ABI1: variants seen among roughly 807,000 people sequenced by gnomAD.
The protein encoded by ABI1 is Abelson interactor 1.
Under a neutral mutation model 54.6 loss-of-function variants are expected in ABI1, and 14 were observed. The observed-to-expected ratio is 0.26, with a 90% CI of 0.17 to 0.40. The LOEUF (loss-of-function observed/expected upper bound fraction) is 0.40, where lower values mean the gene tolerates loss of function less well. Among genes scored for constraint, ABI1 ranks in the 10% least tolerant of loss-of-function variants. The pLI, the probability that ABI1 is intolerant of heterozygous loss-of-function variation, is 1.00. For missense variants in ABI1, 443 were observed against 598.3 expected, an observed-to-expected ratio of 0.74 and a Z score of 2.71; for synonymous variants, 194 against 209.3, an observed-to-expected ratio of 0.93 and a Z score of 0.63.
At chr10:26,854,309 G>C (rs2050641253) in intron 1 of ABI1, among the ~76,000 whole-genome samples, 1 of 151,700 alleles carries the variant, frequency 6.6e-6, no homozygotes, top group Non-Finnish European at 1.5e-5. Context: ...GAAGACATTA[G>C]TTTTAATACA....
chr10:26,803,056 A>C (rs1449439352), intron 2 of ABI1, among the ~76,000 whole-genome samples: 2 of 152,214 alleles, frequency 1.3e-5, no homozygotes, highest in Non-Finnish European at 1.5e-5. Flanking sequence ...AGCAAGGAAA[A>C]GGTTTCCATT....
intron 1 of ABI1, among the ~76,000 whole-genome samples, chr10:26,844,905 C>CT (rs2134130441): frequency 6.6e-6 from 1 of 152,282 alleles, no homozygotes; most frequent in Admixed American, 6.5e-5. Context: ...ACAAATGTGA[C>CT]AGTCCTCTAA....
rs1375832167 is a variant in ABI1, at chr10:26,761,661, T to TATATACACAC, written c.821-2424_821-2423insGTGTGTATAT. Among the ~76,000 whole-genome samples, 470 of 78,592 alleles carry TATATACACAC rather than the reference T, an allele frequency of 6.0e-3. 3 individuals carry two copies. The highest frequency in any genetic ancestry group is 0.01 in the Admixed American group (67 of 6,682). The allele number at this position is 78,592 out of a possible 152,430, so 51.6% of individuals were successfully genotyped here. On this transcript the variant is annotated intron_variant, in intron 7 of 10. Transcript: ENST00000376140. The stretch of plus-strand genomic sequence containing the variant: ...ATATATATATATATATATATATATA[T>TATATACACAC]ACACACACACATACACATATATAAC...
intron 1 of ABI1, among the ~76,000 whole-genome samples, chr10:26,834,217 G>A (rs779183445): frequency 2.2e-4 from 34 of 152,016 alleles, no homozygotes; most frequent in Non-Finnish European, 4.1e-4. Flanking sequence ...GCGACAGAGC[G>A]AGATTCCATC....
intron 1 of ABI1, among the ~76,000 whole-genome samples, chr10:26,852,446 T>A (rs1238020967): frequency 6.6e-6 from 1 of 152,152 alleles, no homozygotes; most frequent in Non-Finnish European, 1.5e-5. Flanking sequence ...GCCATTATAC[T>A]CTAGCCTGGG....
At chr10:26,792,620 G>C (rs1843621628) in intron 2 of ABI1, among the ~76,000 whole-genome samples, 1 of 152,110 alleles carries the variant, frequency 6.6e-6, no homozygotes, top group African/African-American at 2.4e-5. Context: ...GTCAAGCAAG[G>C]CTTTTATAAA....
chr10:26,765,006 C>T (rs1588791944), intron 7 of ABI1, among the ~76,000 whole-genome samples: 1 of 151,678 alleles, frequency 6.6e-6, no homozygotes, highest in East Asian at 1.9e-4. Flanking sequence ...ACTTAATATG[C>T]AGTATATATA....
At chr10:26,786,398 A>G (rs1174384204) in intron 2 of ABI1, among the ~76,000 whole-genome samples, 2 of 151,992 alleles carry the variant, frequency 1.3e-5, no homozygotes, top group Non-Finnish European at 2.9e-5. Flanking sequence ...TATGTTTTGT[A>G]GAGACGGGGC....
In ABI1 at chr10:26,748,754, A is replaced by G. The variant is rs1402723110; in HGVS notation, c.1271-9T>C. 3.7e-6 allele frequency: 6 copies of G among 1,600,804 alleles called. No homozygotes were observed. The African/African-American group carries it at 5.4e-5, about 14-fold the overall frequency. On this transcript the variant is annotated splice_polypyrimidine_tract_variant and intron_variant, in intron 10 of 10. Coordinates refer to ENST00000376140, the MANE Select transcript of ABI1 (RefSeq NM_001012750.3). ...ATCATATATTGCAACAACTATGGAA[A>G]AAACAGTTGAAATATCACATGAGTG...
chr10:26,769,884 C>CA (rs1168797970), intron 5 of ABI1, among the ~76,000 whole-genome samples: 4 of 152,154 alleles, frequency 2.6e-5, no homozygotes, highest in African/African-American at 9.7e-5. Context: ...GACCACTAGT[C>CA]AAAGTTCTAC....
chr10:26,843,056 A>T (rs572938262), intron 1 of ABI1, among the ~76,000 whole-genome samples: 2 of 152,052 alleles, frequency 1.3e-5, no homozygotes, highest in South Asian at 4.2e-4. Context: ...AAAGTAAATA[A>T]ATAAATAATA....
chr10:26,826,298 C>A (rs2048301154), intron 1 of ABI1, among the ~76,000 whole-genome samples: 1 of 152,196 alleles, frequency 6.6e-6, no homozygotes, highest in Non-Finnish European at 1.5e-5. Flanking sequence ...GGTGCACTGT[C>A]AATGAGCAGT....
intron 1 of ABI1, among the ~76,000 whole-genome samples, chr10:26,853,340 T>C (rs987137932): frequency 1.3e-5 from 2 of 151,294 alleles, no homozygotes; most frequent in East Asian, 1.9e-4. Context: ...TCTAACATGA[T>C]GTCTTAGTAA....
At chr10:26,771,624 C>T (rs575668558) in intron 3 of ABI1, among the ~76,000 whole-genome samples, 2 of 152,164 alleles carry the variant, frequency 1.3e-5, no homozygotes, top group South Asian at 2.1e-4. Context: ...CCTAGTATCT[C>T]GATGTTTAAA....
Position 26,759,235 on chromosome 10 carries a change from G to A in ABI1, c.824C>T (p.Ala275Val). Residue 275 changes from alanine to valine, a missense_variant, in exon 8 of 11, where the codon GCC (alanine) becomes GTC (valine). Ala to Val is a moderately conservative substitution (Grantham distance 64, BLOSUM62 0). Around this residue, in one of 2 missense-constraint regions of ABI1, gnomAD observed 394 missense variants for 484.8 expected, o/e 0.81. Transcript: ENST00000376140. ...CTGGGAACCAGGAGCTGAGCCCGGG[G>A]CTGCTGAAAAGCATTAGTCAAAGGC... is the stretch of plus-strand genomic sequence containing the variant. Reference protein sequence around the residue: ...TPSPPTIGPAAPGSAPGSQYG... With the variant: ...TPSPPTIGPAVPGSAPGSQYG... 6.2e-6 allele frequency: 10 copies of A among 1,613,542 alleles called. No homozygotes were observed. Among genetic ancestry groups the A allele is most frequent in the Non-Finnish European group, 8.5e-6 (10 of 1,179,778 alleles).
chr10:26,817,586 A>G (rs930876011), intron 2 of ABI1, among the ~76,000 whole-genome samples: 1 of 152,186 alleles, frequency 6.6e-6, no homozygotes, highest in African/African-American at 2.4e-5. Flanking sequence ...TAACAGGTAC[A>G]TTGTTTCAGT....
chr10:26,777,168 C>T lies in ABI1; in HGVS notation c.359G>A (p.Arg120Lys). The T allele has an allele frequency of 6.2e-7, 1 of 1,613,784 alleles. No individual in the cohort carries two copies. ...CGCAGGTGCTATTATTTTGTGAGTT[C>T]TTGATGTATTCTTATTTGTTGTCAA... ...GILTTNKNTS[R>K]THKIIAPANM... Residue 120 changes from arginine (R) to lysine (K), a missense_variant, in exon 3 of 11, where the codon AGA (arginine) becomes AAA (lysine). Arg to Lys is a conservative substitution (Grantham distance 26, BLOSUM62 2). Transcript: ENST00000376140.
intron 7 of ABI1, among the ~76,000 whole-genome samples, chr10:26,763,346 T>TC (rs1839478541): frequency 6.6e-6 from 1 of 152,212 alleles, no homozygotes; most frequent in Non-Finnish European, 1.5e-5. Flanking sequence ...AGTTCAGTCA[T>TC]CCCCAACTTG....
chr10:26,755,052 G>A (rs1838130595), intron 9 of ABI1, among the ~76,000 whole-genome samples: 1 of 152,190 alleles, frequency 6.6e-6, no homozygotes, highest in African/African-American at 2.4e-5. Flanking sequence ...TAGCCAAAAT[G>A]TGAAAAGGAT....
Sources: gnomAD v4.1 joint callset for allele counts (sites outside exome capture counted in the v4.1 genomes callset) on GRCh38, gnomAD v4.1.1 for gene constraint, gnomAD v4.1.1 regional missense constraint, MANE v1.5 for transcripts, NCBI Gene and HGNC (gene_info 2026-07-23, HGNC 2026-07-21) for gene names.